DPP10: variants seen among roughly 807,000 people sequenced by gnomAD.
The protein encoded by DPP10 is dipeptidyl peptidase like 10.
In DPP10, 33 loss-of-function variants were observed where a neutral mutation model predicts 120.9. The ratio of observed to expected loss-of-function variants is 0.27; its 90% CI spans 0.21 to 0.37. The LOEUF (loss-of-function observed/expected upper bound fraction) is 0.37. DPP10 is among the 10% of genes least tolerant of loss of function. The probability of loss-of-function intolerance (pLI) is 1.00; values close to 1 mark genes in which losing one functional copy is unlikely to be tolerated. For synonymous variants in DPP10, 337 were observed against 326.1 expected (o/e 1.03, Z -0.36); for missense variants, 816 against 942.8 (o/e 0.87, Z 1.76).
chr2:115,703,647 G>A lies in DPP10; in HGVS notation c.576+13726G>A, dbSNP rs565776041. Among the ~76,000 whole-genome samples the A allele has an allele frequency of 1.3e-4, 20 of 152,076 alleles. 1 individual carries two copies. The South Asian group carries it at 3.5e-3, about 27-fold the overall frequency. ...TTAAGGCCTTCAGCTGATTGGCTAA[G>A]GACCATCCATATTATTGAGAATATT... On this transcript the variant is annotated intron_variant, in intron 7 of 25. Transcript: ENST00000410059.
chr2:115,583,247 C>T (rs2082099958), intron 5 of DPP10, among the ~76,000 whole-genome samples: 2 of 152,132 alleles, frequency 1.3e-5, no homozygotes. Flanking sequence ...TGGTTCTATT[C>T]CAGTTATTTA....
chr2:114,813,829 A>G (rs545674884), intron 1 of DPP10, among the ~76,000 whole-genome samples: 1 of 152,062 alleles, frequency 6.6e-6, no homozygotes, highest in Middle Eastern at 3.4e-3. Flanking sequence ...TTCCTCATCA[A>G]GAATATGCTT....
At chr2:115,290,833 A>G (rs1182420125) in intron 1 of DPP10, among the ~76,000 whole-genome samples, 1 of 152,134 alleles carries the variant, frequency 6.6e-6, no homozygotes, top group Non-Finnish European at 1.5e-5. Flanking sequence ...ACATTCTTCT[A>G]TTTGGCCAAC....
intron 1 of DPP10, among the ~76,000 whole-genome samples, chr2:114,971,914 G>T (rs371667856): frequency 1.3e-5 from 2 of 152,036 alleles, no homozygotes; most frequent in Non-Finnish European, 2.9e-5. Flanking sequence ...AATGACCAAG[G>T]CACCCCCAGG....
In DPP10 at chr2:114,563,953, T is replaced by G. The variant is rs1688974354; in HGVS notation, c.60+121115T>G. On this transcript the variant is annotated intron_variant, in intron 1 of 25. Transcript: ENST00000410059. The stretch of plus-strand genomic sequence containing the variant: ...GCTTTCCTCTGTCATTTTGCTAATT[T>G]CTGGGATGGAGCTCGCAGCTCACCC... 3.3e-5 allele frequency among the ~76,000 whole-genome samples: 5 copies of G among 152,194 alleles called. No individual in the cohort carries two copies. The South Asian group carries it at 1.0e-3, about 32-fold the overall frequency.
intron 1 of DPP10, among the ~76,000 whole-genome samples, chr2:114,693,100 G>A (rs1003967949): frequency 1.3e-5 from 2 of 152,014 alleles, no homozygotes; most frequent in Non-Finnish European, 2.9e-5. Context: ...ATTGTTATGG[G>A]TGAATTTGAT....
intron 3 of DPP10, among the ~76,000 whole-genome samples, chr2:115,411,589 A>G (rs1169811570): frequency 1.3e-5 from 2 of 152,174 alleles, no homozygotes; most frequent in African/African-American, 4.8e-5. Flanking sequence ...ACGGAGAAGC[A>G]AGGATTTTAA....
At chr2:114,717,442 A>G (rs2105891880) in intron 1 of DPP10, among the ~76,000 whole-genome samples, 2 of 152,336 alleles carry the variant, frequency 1.3e-5, no homozygotes, top group Middle Eastern at 6.8e-3. Flanking sequence ...AAATGAAAGT[A>G]AAAATTTTAC....
At chr2:115,583,202 C>T (rs58483519) in intron 5 of DPP10, among the ~76,000 whole-genome samples, 12,864 of 152,208 alleles carry the variant, frequency 0.085, 578 homozygotes, top group South Asian at 0.12. Context: ...AGTTCCTTGA[C>T]GGCTCTTTTA....
intron 8 of DPP10, among the ~76,000 whole-genome samples, chr2:115,728,355 T>TCA (rs942095430): frequency 6.6e-6 from 1 of 151,316 alleles, no homozygotes; most frequent in Non-Finnish European, 1.5e-5. Flanking sequence ...GGACATTCTG[T>TCA]CACACTTTAT....
chr2:115,096,251 C>T (rs1709735326), intron 1 of DPP10, among the ~76,000 whole-genome samples: 1 of 152,116 alleles, frequency 6.6e-6, no homozygotes, highest in South Asian at 2.1e-4. Flanking sequence ...ATGAGCATAG[C>T]TGTGTTTTGA....
intron 1 of DPP10, among the ~76,000 whole-genome samples, chr2:115,095,649 G>A (rs1461098339): frequency 6.9e-6 from 1 of 144,324 alleles, no homozygotes; most frequent in Non-Finnish European, 1.5e-5. Context: ...GCACTATCTT[G>A]GCTCACTGCA....
intron 1 of DPP10, among the ~76,000 whole-genome samples, chr2:114,574,625 A>T (rs1689917536): frequency 6.6e-6 from 1 of 152,200 alleles, no homozygotes; most frequent in African/African-American, 2.4e-5. Flanking sequence ...AAGATTTCTC[A>T]AAGTGAAAAA....
intron 1 of DPP10, among the ~76,000 whole-genome samples, chr2:114,477,171 C>A (rs1277276230): frequency 6.6e-6 from 1 of 151,870 alleles, no homozygotes; most frequent in Non-Finnish European, 1.5e-5. Context: ...GTTGGACAGG[C>A]AGGTCTTGAA....
chr2:115,226,836 G>A (rs767001823), intron 1 of DPP10, among the ~76,000 whole-genome samples: 1 of 152,104 alleles, frequency 6.6e-6, no homozygotes, highest in Non-Finnish European at 1.5e-5. Flanking sequence ...CAGATTTTGC[G>A]TGTTGTTAAG....
intron 1 of DPP10, among the ~76,000 whole-genome samples, chr2:115,145,337 T>C (rs1473925003): frequency 6.6e-6 from 1 of 152,184 alleles, no homozygotes; most frequent in East Asian, 1.9e-4. Context: ...TGACAATCAT[T>C]CATCCTTCTA....
At chr2:115,318,271 T>C (rs2061894327) in intron 2 of DPP10, among the ~76,000 whole-genome samples, 1 of 152,158 alleles carries the variant, frequency 6.6e-6, no homozygotes, top group African/African-American at 2.4e-5. Context: ...GCTTATAATT[T>C]TACTTCATTC....
chr2:115,321,258 G>A (rs539133696), intron 2 of DPP10, among the ~76,000 whole-genome samples: 17 of 152,246 alleles, frequency 1.1e-4, no homozygotes, highest in Non-Finnish European at 1.6e-4. Flanking sequence ...CTAAGGTGGC[G>A]CCATTGCACT....
chr2:115,684,195 A>G (rs1486794859), intron 5 of DPP10, among the ~76,000 whole-genome samples: 1 of 151,892 alleles, frequency 6.6e-6, no homozygotes, highest in Non-Finnish European at 1.5e-5. Flanking sequence ...TTCGATGTTC[A>G]CAAAGCTTTT....
Sources: gnomAD v4.1 joint callset for allele counts (sites outside exome capture counted in the v4.1 genomes callset) on GRCh38, gnomAD v4.1.1 for gene constraint, MANE v1.5 for transcripts, NCBI Gene and HGNC (gene_info 2026-07-23, HGNC 2026-07-21) for gene names.